Variants in CARS1 observed in about 807,000 individuals in gnomAD.
The protein encoded by CARS1 is cysteine--tRNA ligase, cytoplasmic.
CARS1 carries 48 observed loss-of-function variants against 106.2 expected under a neutral mutation model. That is an observed-to-expected ratio of 0.45 (90% CI 0.36 to 0.57). The LOEUF is 0.57. Ranked by LOEUF, CARS1 falls within the 20% of genes least tolerant of loss-of-function variation. The pLI is 0.00. For missense variants in CARS1, 968 were observed against 1,057.2 expected, an observed-to-expected ratio of 0.92 and a Z score of 1.17; for synonymous variants, 409 against 403.4, an observed-to-expected ratio of 1.01 and a Z score of -0.17.
chr11:3,020,084 G>A lies in CARS1; in HGVS notation c.1266+136C>T. On this transcript the variant is annotated intron_variant, in intron 11 of 22. Transcript: ENST00000380525. The surrounding 1 kb of genome is among the most constrained non-coding windows in gnomAD (Gnocchi z 4.6). ...CCAGGTCCCCGGGGCCAGGCAGCCT[G>A]TGCTGCACCAGCACCAGGCTCTGGC... 1.5e-6 allele frequency: 1 copy of A among 665,576 alleles called. No individual in the cohort carries two copies. The highest frequency in any genetic ancestry group is 2.7e-6 in the Non-Finnish European group (1 of 369,756). The allele number at this position is 665,576 out of a possible 1,614,324, so 41.2% of individuals were successfully genotyped here. A position where few individuals can be genotyped will look rare whatever the true frequency, so the allele number is the denominator to read the frequency against.
rs964566230 is a variant in CARS1, at chr11:3,008,509, C to G, written c.2069-1550G>C. On this transcript the variant is annotated intron_variant, in intron 18 of 22. Coordinates refer to ENST00000380525, the MANE Select transcript of CARS1 (RefSeq NM_001014437.3). The surrounding 1 kb of genome is among the most constrained non-coding windows in gnomAD (Gnocchi z 5.1). ...TGGCATGTGCCTGTAATCCCAGCTACTTGGGACGCTGAGGCAGAAGAATCG... is the reference window on the plus strand; with the variant it reads ...TGGCATGTGCCTGTAATCCCAGCTAGTTGGGACGCTGAGGCAGAAGAATCG... 4 of 151,604 alleles carry G rather than the reference C, an allele frequency of 2.6e-5. No homozygotes were observed. The highest frequency in any genetic ancestry group is 5.9e-5 in the Non-Finnish European group (4 of 68,064). The allele number at this position is 151,604 out of a possible 1,614,324, so 9.4% of individuals were successfully genotyped here. A position where few individuals can be genotyped will look rare whatever the true frequency, so the allele number is the denominator to read the frequency against.
intron 3 of CARS1, 93 bp downstream of exon 3, chr11:3,042,072 C>G: frequency 1.2e-6 from 1 of 867,170 alleles, no homozygotes; most frequent in South Asian, 1.5e-5. Flanking sequence ...ACACAAGGAA[C>G]AGAGAAGTCT....
rs1404145864 is a variant in CARS1, at chr11:3,020,488, T to A, written c.1154-156A>T. On this transcript the variant is annotated intron_variant, in intron 10 of 22. Coordinates refer to ENST00000380525, the MANE Select transcript of CARS1 (RefSeq NM_001014437.3). The surrounding 1 kb of genome is among the most constrained non-coding windows in gnomAD (Gnocchi z 4.6). ...AGCATTTCTTCAAGTTAACTATGTA[T>A]TACCAGATTCTGGTGTTGACCCAGT... Among the ~76,000 whole-genome samples the A allele has an allele frequency of 6.6e-6, 1 of 152,264 alleles. No homozygotes were observed. Among genetic ancestry groups the A allele is most frequent in the Non-Finnish European group, 1.5e-5 (1 of 68,050 alleles).
At chr11:3,042,620 C>G (rs780439020) in intron 2 of CARS1, among the ~76,000 whole-genome samples, 3 of 152,202 alleles carry the variant, frequency 2.0e-5, no homozygotes, top group Non-Finnish European at 2.9e-5. Flanking sequence ...GCACAGCGTG[C>G]CCAGCACATT....
rs1851622193 is a variant in CARS1 at position 3,022,086 on chromosome 11, G to A, written c.1154-1754C>T. On this transcript the variant is annotated intron_variant, in intron 10 of 22. Transcript: ENST00000380525. The surrounding 1 kb of genome is among the most constrained non-coding windows in gnomAD (Gnocchi z 4.9). ...ATGAGAATTCCAAGGCAGGCTATAGGCAGAATGATGAGGCCGGTCACTGGC... is the reference window on the plus strand; with the variant it reads ...ATGAGAATTCCAAGGCAGGCTATAGACAGAATGATGAGGCCGGTCACTGGC... 6.6e-6 allele frequency among the ~76,000 whole-genome samples: 1 copy of A among 152,146 alleles called. No homozygotes were observed. Among genetic ancestry groups the A allele is most frequent in the Admixed American group, 6.5e-5 (1 of 15,274 alleles).
At chr11:3,047,255 C>T (rs371132879) in intron 2 of CARS1, among the ~76,000 whole-genome samples, 4 of 131,032 alleles carry the variant, frequency 3.1e-5, no homozygotes, top group Admixed American at 1.8e-4. Context: ...CCAGCCTGGG[C>T]GATAGAGCGA....
rs1045313159 is a variant in CARS1, at chr11:3,020,866, G to T, written c.1154-534C>A. On this transcript the variant is annotated intron_variant, in intron 10 of 22. Coordinates refer to ENST00000380525, the MANE Select transcript of CARS1 (RefSeq NM_001014437.3). The surrounding 1 kb of genome is among the most constrained non-coding windows in gnomAD (Gnocchi z 4.6). The stretch of plus-strand genomic sequence containing the variant: ...CCTGGTGGCAGTGCAGTGGTGAAGG[G>T]GACATTTGCTGTTCCTGTGTATTTA... 3.3e-5 allele frequency among the ~76,000 whole-genome samples: 5 copies of T among 152,152 alleles called. No homozygotes were observed. The highest frequency in any genetic ancestry group is 1.2e-4 in the African/African-American group (5 of 41,414).
Position 3,005,661 on chromosome 11 carries a change from C to G in CARS1, c.2150-228G>C, listed in dbSNP as rs1469988805. 2.9e-5 allele frequency among the ~76,000 whole-genome samples: 4 copies of G among 136,812 alleles called. No individual in the cohort carries two copies. In the East Asian group the frequency reaches 8.4e-4, roughly 29 times the overall value. 89.8% of individuals were successfully genotyped at this position (136,812 alleles called of 152,430 possible). A position where few individuals can be genotyped will look rare whatever the true frequency, so the allele number is the denominator to read the frequency against. ...TTTTTTTTTTTTTTTGAGACAGAGT[C>G]TTGCTCTGTCATCCAGGCTGGAGTG... On this transcript the variant is annotated intron_variant, in intron 19 of 22. Transcript: ENST00000380525.
rs771518391 is a variant in CARS1 at position 3,048,011 on chromosome 11, C to CA, written c.26-11dup. Reference sequence around the variant, plus strand: ...GACCTGTAGTCAGGAGCTGCAAAGACAGAGGGCACATGGTGTCAGGCAGGC... The same window carrying CA: ...GACCTGTAGTCAGGAGCTGCAAAGACAAGAGGGCACATGGTGTCAGGCAGGC... On this transcript the variant is annotated splice_polypyrimidine_tract_variant and intron_variant, in intron 1 of 22. Transcript: ENST00000380525. This position sits in a 1 kb window ranked among gnomAD's most constrained non-coding sequence, Gnocchi z 5.1. The CA allele has an allele frequency of 7.7e-5, 124 of 1,610,006 alleles. No individual in the cohort carries two copies. The highest frequency in any genetic ancestry group is 3.3e-4 in the Middle Eastern group (2 of 6,074).
chr11:3,039,036 C>T lies in CARS1; in HGVS notation c.651+158G>A, dbSNP rs1211341668. On this transcript the variant is annotated intron_variant, in intron 6 of 22. Coordinates refer to ENST00000380525, the MANE Select transcript of CARS1 (RefSeq NM_001014437.3). This position sits in a 1 kb window ranked among gnomAD's most constrained non-coding sequence, Gnocchi z 5.6. ...CTTTGTCACAGGCCAGGGGACCTTA[C>T]CTATGGAGACTTCAGCGCCCCTGAC... Among the ~76,000 whole-genome samples the T allele has an allele frequency of 6.6e-6, 1 of 152,220 alleles. No individual in the cohort carries two copies. Among genetic ancestry groups the T allele is most frequent in the Non-Finnish European group, 1.5e-5 (1 of 68,042 alleles).
At chr11:3,033,600 A>G (rs1371741289) in intron 7 of CARS1, among the ~76,000 whole-genome samples, 1 of 152,262 alleles carries the variant, frequency 6.6e-6, no homozygotes, top group Non-Finnish European at 1.5e-5. Context: ...AGGAAAATGT[A>G]TAGCCTTAAA....
chr11:3,044,630 T>C lies in CARS1; in HGVS notation c.275-2374A>G, dbSNP rs2134277595. On this transcript the variant is annotated intron_variant, in intron 2 of 22. Transcript: ENST00000380525. This position sits in a 1 kb window ranked among gnomAD's most constrained non-coding sequence, Gnocchi z 4.4. ...CAGGCTGGTCTCAAACTCCTGACCT[T>C]GTGATCTGCCTGCCTTGGCCTCCTA... 6.6e-6 allele frequency among the ~76,000 whole-genome samples: 1 copy of C among 152,208 alleles called. No individual in the cohort carries two copies. The highest frequency in any genetic ancestry group is 1.9e-4 in the East Asian group (1 of 5,168).
rs1851688126 is a variant in CARS1, at chr11:3,022,862, C to T, written c.1154-2530G>A. ...CATCACCCCTCCCCTTTTCCTCTAC[C>T]ATTAGAGTCCCCATGGCGAGGAGCA... is the stretch of plus-strand genomic sequence containing the variant. On this transcript the variant is annotated intron_variant, in intron 10 of 22. Coordinates refer to ENST00000380525, the MANE Select transcript of CARS1 (RefSeq NM_001014437.3). This position sits in a 1 kb window ranked among gnomAD's most constrained non-coding sequence, Gnocchi z 4.9. Among the ~76,000 whole-genome samples the T allele has an allele frequency of 6.6e-6, 1 of 152,188 alleles. No homozygotes were observed. Among genetic ancestry groups the T allele is most frequent in the South Asian group, 2.1e-4 (1 of 4,830 alleles).
intron 18 of CARS1, chr11:3,007,456 C>G (rs1033616258): frequency 6.4e-6 from 1 of 155,040 alleles, no homozygotes; most frequent in African/African-American, 2.4e-5. Flanking sequence ...CACGGGACTG[C>G]GATGGGGGTC....
rs1476550489 is a variant in CARS1 at position 3,034,786 on chromosome 11, A to G, written c.801+3264T>C. 6.6e-6 allele frequency among the ~76,000 whole-genome samples: 1 copy of G among 152,070 alleles called. No individual in the cohort carries two copies. The highest frequency in any genetic ancestry group is 1.9e-4 in the East Asian group (1 of 5,198). ...CCTGACCTCGTGATCTGCCCACCTCAGCCTCCCAAAGTGCTGGGATTACAG... is the reference window on the plus strand; with the variant it reads ...CCTGACCTCGTGATCTGCCCACCTCGGCCTCCCAAAGTGCTGGGATTACAG... On this transcript the variant is annotated intron_variant, in intron 7 of 22. Coordinates refer to ENST00000380525, the MANE Select transcript of CARS1 (RefSeq NM_001014437.3). The surrounding 1 kb of genome is among the most constrained non-coding windows in gnomAD (Gnocchi z 6.3).
chr11:3,017,568 G>A lies in CARS1; in HGVS notation c.1728-273C>T, dbSNP rs540216086. ...TGAGGCAGGAGAATCGCTCGAACCCGGGAGGTGGAGGTTGTGGTGAGCCGA... is the reference window on the plus strand; with the variant it reads ...TGAGGCAGGAGAATCGCTCGAACCCAGGAGGTGGAGGTTGTGGTGAGCCGA... On this transcript the variant is annotated intron_variant, in intron 15 of 22. Coordinates refer to ENST00000380525, the MANE Select transcript of CARS1 (RefSeq NM_001014437.3). This position sits in a 1 kb window ranked among gnomAD's most constrained non-coding sequence, Gnocchi z 4.9. The A allele has an allele frequency of 5.6e-5, 31 of 552,550 alleles. No individual in the cohort carries two copies. The highest frequency in any genetic ancestry group is 3.2e-4 in the South Asian group (13 of 40,570). 34.2% of individuals were successfully genotyped at this position (552,550 alleles called of 1,614,324 possible).
chr11:3,042,097 C>T (rs1020450736), intron 3 of CARS1, 68 bp downstream of exon 3: 2 of 1,165,492 alleles, frequency 1.7e-6, no homozygotes, highest in African/African-American at 1.5e-5. Context: ...TGCGACAAGG[C>T]ACATGGGCTG....
chr11:3,016,387 G>A (rs1000521039), intron 16 of CARS1, among the ~76,000 whole-genome samples: 1 of 151,778 alleles, frequency 6.6e-6, no homozygotes, highest in Non-Finnish European at 1.5e-5. Flanking sequence ...TGCCTGGCTA[G>A]TTTTTTGTAT....
In CARS1 at chr11:3,030,374, C is replaced by T. The variant is rs2134200649; in HGVS notation, c.802-931G>A. On this transcript the variant is annotated intron_variant, in intron 7 of 22. Transcript: ENST00000380525. This position sits in a 1 kb window ranked among gnomAD's most constrained non-coding sequence, Gnocchi z 5.7. ...ACAGATGTGTTAAATGTATTGCAGG[C>T]CTGCAAGTGGCAAGGCACGTCTGCA... is the stretch of plus-strand genomic sequence containing the variant. 6.6e-6 allele frequency: 1 copy of T among 152,350 alleles called. No homozygotes were observed. Among genetic ancestry groups the T allele is most frequent in the East Asian group, 1.9e-4 (1 of 5,184 alleles). The allele number at this position is 152,350 out of a possible 1,614,324, so 9.4% of individuals were successfully genotyped here.
Sources: allele counts gnomAD v4.1 joint callset (sites outside exome capture counted in the v4.1 genomes callset), GRCh38; gene constraint gnomAD v4.1.1; non-coding constraint Gnocchi (gnomAD v3.1); transcripts MANE v1.5; gene names NCBI Gene and HGNC (gene_info 2026-07-23, HGNC 2026-07-21).